PRKG1: variants seen among roughly 807,000 people sequenced by gnomAD.
PRKG1 encodes protein kinase cGMP-dependent 1, also known as cGMP-dependent protein kinase 1.
Under a neutral mutation model 88.1 loss-of-function variants are expected in PRKG1, and 35 were observed. The ratio of observed to expected loss-of-function variants is 0.40; its 90% CI spans 0.30 to 0.53. The LOEUF (loss-of-function observed/expected upper bound fraction) is 0.53, where lower values mean the gene tolerates loss of function less well. Ranked by LOEUF, PRKG1 falls within the 20% of genes least tolerant of loss-of-function variation. The probability of loss-of-function intolerance (pLI) is 0.59; values close to 1 mark genes in which losing one functional copy is unlikely to be tolerated. For missense variants in PRKG1, 540 were observed against 839.8 expected (o/e 0.64, Z 4.41); for synonymous variants, 303 against 292.5 (o/e 1.04, Z -0.37).
At chr10:52,049,659 T>C (rs893885887) in intron 5 of PRKG1, among the ~76,000 whole-genome samples, 1 of 151,908 alleles carries the variant, frequency 6.6e-6, no homozygotes, top group Admixed American at 6.6e-5. Context: ...CAAGATAAGA[T>C]TTTGTCTTGA....
chr10:51,360,869 C>G (rs1307251158), intron 2 of PRKG1, among the ~76,000 whole-genome samples: 1 of 151,764 alleles, frequency 6.6e-6, no homozygotes, highest in Non-Finnish European at 1.5e-5. Context: ...TGTCTCTGAA[C>G]AAGTCAATTT....
chr10:52,102,145 A>G (rs1028828613), intron 7 of PRKG1, among the ~76,000 whole-genome samples: 1 of 152,186 alleles, frequency 6.6e-6, no homozygotes, highest in African/African-American at 2.4e-5. Flanking sequence ...GTCAGGAAGT[A>G]CCTAGCCAAT....
chr10:51,074,651 C>G lies in PRKG1; in HGVS notation c.61C>G (p.Arg21Gly), dbSNP rs746387596. 4 of 1,614,054 alleles carry G rather than the reference C, an allele frequency of 2.5e-6. No homozygotes were observed. The highest frequency in any genetic ancestry group is 1.3e-5 in the African/African-American group (1 of 75,044). Residue 21 changes from arginine to glycine, a missense_variant, in exon 1 of 18, where the codon CGG becomes GGG. By Grantham distance (125) the Arg-to-Gly change is moderately radical. Transcript: ENST00000373980. ...GGAGAAGATCGAGGAGCTGAGGCAG[C>G]GGGATGCTCTCATCGACGAGCTGGA... ...LQEKIEELRQRDALIDELELE... is the reference protein window; with the variant it reads ...LQEKIEELRQGDALIDELELE...
intron 3 of PRKG1, among the ~76,000 whole-genome samples, chr10:51,603,228 T>G (rs1473845028): frequency 1.3e-5 from 2 of 152,114 alleles, no homozygotes; most frequent in African/African-American, 4.8e-5. Flanking sequence ...AAAGTGCTGG[T>G]ATTTCAGGCA....
chr10:51,203,872 G>A (rs957201073), intron 2 of PRKG1, among the ~76,000 whole-genome samples: 14 of 151,996 alleles, frequency 9.2e-5, no homozygotes, highest in African/African-American at 3.4e-4. Flanking sequence ...CTTTTCTTCA[G>A]CATCTTTCCT....
intron 9 of PRKG1, among the ~76,000 whole-genome samples, chr10:52,178,644 T>A (rs1249671026): frequency 6.6e-6 from 1 of 152,178 alleles, no homozygotes; most frequent in Non-Finnish European, 1.5e-5. Flanking sequence ...CCTTTAGATC[T>A]AATAATATTT....
At chr10:51,773,864 T>A (rs1468232313) in intron 3 of PRKG1, among the ~76,000 whole-genome samples, 2 of 152,074 alleles carry the variant, frequency 1.3e-5, no homozygotes, top group Non-Finnish European at 2.9e-5. Flanking sequence ...CTAGATCTGA[T>A]TCAGAAGCCT....
chr10:51,544,150 T>C (rs1230899629), intron 3 of PRKG1, among the ~76,000 whole-genome samples: 1 of 152,014 alleles, frequency 6.6e-6, no homozygotes, highest in Admixed American at 6.6e-5. Flanking sequence ...GTGTGCTGCA[T>C]CCATTAACCT....
intron 2 of PRKG1, among the ~76,000 whole-genome samples, chr10:51,319,517 G>A (rs1324481509): frequency 6.6e-6 from 1 of 152,100 alleles, no homozygotes; most frequent in African/African-American, 2.4e-5. Context: ...ACATAAAACT[G>A]GTGAACAGCA....
At chr10:51,622,478 C>T (rs531125133) in intron 3 of PRKG1, among the ~76,000 whole-genome samples, 5 of 152,300 alleles carry the variant, frequency 3.3e-5, no homozygotes, top group South Asian at 4.1e-4. Context: ...CAGCTATTTG[C>T]GCATGACCAG....
intron 3 of PRKG1, among the ~76,000 whole-genome samples, chr10:51,798,762 G>T (rs1839085265): frequency 6.6e-6 from 1 of 152,052 alleles, no homozygotes; most frequent in South Asian, 2.1e-4. Flanking sequence ...AAGTAAAAGA[G>T]AATTACAAGC....
chr10:51,686,018 C>A (rs1348417623), intron 3 of PRKG1, among the ~76,000 whole-genome samples: 2 of 152,106 alleles, frequency 1.3e-5, no homozygotes, highest in East Asian at 3.9e-4. Context: ...CCATCAATCC[C>A]CTTCCTTCTA....
intron 3 of PRKG1, among the ~76,000 whole-genome samples, chr10:51,470,077 C>G (rs1840009673): frequency 6.6e-6 from 1 of 151,726 alleles, no homozygotes; most frequent in South Asian, 2.1e-4. Flanking sequence ...ATTAAACCTT[C>G]AGGCTGGATA....
intron 2 of PRKG1, among the ~76,000 whole-genome samples, chr10:51,423,512 A>C (rs376117463): frequency 1.5e-3 from 227 of 151,856 alleles, no homozygotes; most frequent in African/African-American, 5.3e-3. Flanking sequence ...CTTCCTACAA[A>C]ACCTTCTGTT....
At chr10:51,965,474 G>T (rs1049040744) in intron 5 of PRKG1, among the ~76,000 whole-genome samples, 1 of 152,138 alleles carries the variant, frequency 6.6e-6, no homozygotes, top group Non-Finnish European at 1.5e-5. Flanking sequence ...ACCTGTGATT[G>T]CACTTTGAAC....
intron 3 of PRKG1, among the ~76,000 whole-genome samples, chr10:51,554,442 G>GTA (rs201451352): frequency 4.7e-5 from 6 of 128,922 alleles, no homozygotes; most frequent in African/African-American, 1.1e-4. Context: ...GTGTGTGTGT[G>GTA]TATATATATA....
chr10:51,383,307 G>T (rs976842885), intron 2 of PRKG1, among the ~76,000 whole-genome samples: 1 of 152,024 alleles, frequency 6.6e-6, no homozygotes, highest in Admixed American at 6.6e-5. Context: ...GAATGAGGAG[G>T]AGTAGAAGAA....
intron 5 of PRKG1, among the ~76,000 whole-genome samples, chr10:51,986,333 T>C (rs780954185): frequency 2.6e-5 from 4 of 152,232 alleles, no homozygotes; most frequent in Non-Finnish European, 5.9e-5. Context: ...GAAATATCTC[T>C]TCTAAACCTC....
chr10:52,246,298 A>G (rs1841019098), intron 9 of PRKG1, among the ~76,000 whole-genome samples: 1 of 152,280 alleles, frequency 6.6e-6, no homozygotes, highest in African/African-American at 2.4e-5. Context: ...ATAATAACTA[A>G]TGACTATTAT....
Sources: gnomAD v4.1 joint callset for allele counts (sites outside exome capture counted in the v4.1 genomes callset) on GRCh38, gnomAD v4.1.1 for gene constraint, MANE v1.5 for transcripts, NCBI Gene and HGNC (gene_info 2026-07-23, HGNC 2026-07-21) for gene names.